SHROOM4: variants seen among roughly 807,000 people sequenced by gnomAD.
SHROOM4 encodes the protein protein Shroom4.
Under a neutral mutation model 80.3 loss-of-function variants are expected in SHROOM4, and 17 were observed. The observed-to-expected ratio is 0.21, with a 90% CI of 0.14 to 0.32. The LOEUF is 0.32. Among genes scored for constraint, SHROOM4 ranks in the 10% least tolerant of loss-of-function variants. The pLI is 1.00. For missense variants in SHROOM4, 993 were observed against 1,140.3 expected (o/e 0.87, Z 1.86); for synonymous variants, 400 against 437.5 (o/e 0.91, Z 1.07).
chrX:50,700,134 C>T (rs1395073782), intron 1 of SHROOM4, among the ~76,000 whole-genome samples: 1 of 109,107 alleles, frequency 9.2e-6, no homozygotes, highest in Non-Finnish European at 1.9e-5. Flanking sequence ...CCAGCCCATA[C>T]TGCTACCTCC....
At chrX:50,584,869 T>TA (rs1928730407), downstream of SHROOM4, among the ~76,000 whole-genome samples, 1 of 111,164 alleles carries the variant, frequency 9.0e-6, no homozygotes, top group African/African-American at 3.3e-5. Flanking sequence ...CAACCAGATA[T>TA]AAAGTTTTGG....
At chrX:50,812,655 T>C (rs1349477392) in intron 1 of SHROOM4, among the ~76,000 whole-genome samples, 5 of 111,405 alleles carry the variant, frequency 4.5e-5, no homozygotes, top group East Asian at 2.9e-4. Context: ...CAGGCTCCAA[T>C]GCAAGGCGAA....
chrX:50,813,963 G>T lies in SHROOM4; in HGVS notation c.56C>A (p.Ala19Glu). Residue 19 changes from alanine (A) to glutamate (E), a missense_variant, in exon 1 of 9, where the codon GCA (alanine) becomes GAA (glutamate). Ala to Glu is a moderately radical substitution (Grantham distance 107, BLOSUM62 -1). Coordinates refer to ENST00000376020, the MANE Select transcript of SHROOM4 (RefSeq NM_020717.5). ...QYVPVQLQGG[A>E]PWGFTLKGGL... The stretch of plus-strand genomic sequence containing the variant: ...CCCCTTAAGGGTGAAGCCCCAGGGT[G>T]CCCCCCCTTGCAGCTGCACAGGGAC... 8.3e-7 allele frequency: 1 copy of T among 1,208,044 alleles called. No homozygotes were observed. The highest frequency in any genetic ancestry group is 1.8e-5 in the South Asian group (1 of 56,343).
Position 50,596,609 on chromosome X carries a change from T to G in SHROOM4, c.*86A>C. On this transcript the variant is annotated 3_prime_UTR_variant, in exon 9 of 9. Coordinates refer to ENST00000376020, the MANE Select transcript of SHROOM4 (RefSeq NM_020717.5). ...CTGGAACAAACTGCTAATTGCTATC[T>G]ACTTGCTGAGAAACTGCTAACAAAG... The G allele has an allele frequency of 8.7e-7, 1 of 1,145,323 alleles. No individual in the cohort carries two copies. The highest frequency in any genetic ancestry group is 1.2e-6 in the Non-Finnish European group (1 of 846,808). The allele number at this position is 1,145,323 out of a possible 1,213,427, so 94.4% of individuals were successfully genotyped here.
intron 4 of SHROOM4, among the ~76,000 whole-genome samples, chrX:50,628,833 G>A (rs1369213221): frequency 8.9e-6 from 1 of 112,256 alleles, no homozygotes; most frequent in Non-Finnish European, 1.9e-5. Flanking sequence ...AGAGGCTCTG[G>A]ATGTTAGCAG....
the SHROOM4 span, among the ~76,000 whole-genome samples, chrX:50,578,184 G>T: frequency 3.6e-5 from 4 of 112,384 alleles, no homozygotes; most frequent in Admixed American, 2.8e-4. Flanking sequence ...GAATTAAATT[G>T]ACAACAGACT....
In SHROOM4 at chrX:50,705,989, T is replaced by TACACACACAC. The variant is rs56363612; in HGVS notation, c.118-10062_118-10053dup. 1.5e-3 allele frequency among the ~76,000 whole-genome samples: 113 copies of TACACACACAC among 74,383 alleles called. 1 individual carries two copies. Among genetic ancestry groups the TACACACACAC allele is most frequent in the African/African-American group, 4.9e-3 (104 of 21,060 alleles). 64.6% of individuals were successfully genotyped at this position (74,383 alleles called of 115,157 possible). ...TTATTTCCCACAACCTCTCATCCTC[T>TACACACACAC]ACACACACACACACACACACACACA... On this transcript the variant is annotated intron_variant, in intron 1 of 8. Transcript: ENST00000376020.
At chrX:50,713,289 A>G (rs1933863613) in intron 1 of SHROOM4, among the ~76,000 whole-genome samples, 1 of 111,303 alleles carries the variant, frequency 9.0e-6, no homozygotes, top group Admixed American at 9.6e-5. Context: ...ATGTCTACAC[A>G]AGAGAGTGAT....
At chrX:50,801,225 G>A (rs1557272545) in intron 1 of SHROOM4, among the ~76,000 whole-genome samples, 1 of 102,281 alleles carries the variant, frequency 9.8e-6, no homozygotes, top group Non-Finnish European at 2.0e-5. Context: ...GAAGGGGAGA[G>A]GGAGAAGGAG....
At chrX:50,678,114 T>C (rs1932877622) in intron 2 of SHROOM4, among the ~76,000 whole-genome samples, 1 of 111,784 alleles carries the variant, frequency 8.9e-6, no homozygotes, top group South Asian at 3.7e-4. Context: ...TTCAACAAAA[T>C]TGTCCTGTAT....
intron 6 of SHROOM4, among the ~76,000 whole-genome samples, chrX:50,603,975 A>T (rs1476388528): frequency 9.0e-6 from 1 of 111,684 alleles, no homozygotes; most frequent in Admixed American, 9.5e-5. Flanking sequence ...CCCTTCGCTA[A>T]CCTCTAGCTG....
intron 1 of SHROOM4, among the ~76,000 whole-genome samples, chrX:50,811,486 A>C (rs1389263145): frequency 1.8e-5 from 2 of 111,582 alleles, no homozygotes; most frequent in Non-Finnish European, 3.8e-5. Flanking sequence ...TTAATCTGCC[A>C]ACCCAATTAT....
At chrX:50,581,220 T>C in the SHROOM4 span, among the ~76,000 whole-genome samples, 78 of 112,478 alleles carry the variant, frequency 6.9e-4, no homozygotes, top group African/African-American at 2.2e-3. Flanking sequence ...TGTTCCCAGA[T>C]TGTAATAATA....
In SHROOM4 at chrX:50,633,656, G is replaced by A. The variant is rs1436240666; in HGVS notation, c.2417C>T (p.Pro806Leu). 8.3e-7 allele frequency: 1 copy of A among 1,210,293 alleles called. No individual in the cohort carries two copies. Among genetic ancestry groups the A allele is most frequent in the Non-Finnish European group, 1.1e-6 (1 of 895,315 alleles). ...SNKTFTQRPK[P>L]IDQNFQPMSS... ...CATTGGCTGGAAGTTTTGGTCTATA[G>A]GTTTTGGTCTCTGGGTAAAAGTCTT... Residue 806 changes from proline (P) to leucine (L), a missense_variant, in exon 4 of 9, where the codon CCT (proline) becomes CTT (leucine). Coordinates refer to ENST00000376020, the MANE Select transcript of SHROOM4 (RefSeq NM_020717.5).
chrX:50,595,377 G>A lies in SHROOM4; in HGVS notation c.*1318C>T, dbSNP rs1929060902. The A allele has an allele frequency of 8.5e-6, 1 of 117,522 alleles. No homozygotes were observed. Among genetic ancestry groups the A allele is most frequent in the Non-Finnish European group, 1.8e-5 (1 of 56,554 alleles). 9.7% of individuals were successfully genotyped at this position (117,522 alleles called of 1,213,427 possible). On this transcript the variant is annotated 3_prime_UTR_variant, in exon 9 of 9. Coordinates refer to ENST00000376020, the MANE Select transcript of SHROOM4 (RefSeq NM_020717.5). ...GAGCTCCCAGCTACCTTGAGTTTTG[G>A]TTCCCTTGAGCCAGGCCACAGGCTG...
chrX:50,626,392 T>C (rs1930803984), intron 5 of SHROOM4, among the ~76,000 whole-genome samples: 1 of 112,126 alleles, frequency 8.9e-6, no homozygotes, highest in South Asian at 3.8e-4. Flanking sequence ...TGTCAACTTG[T>C]GTGAGAAAGT....
Position 50,634,609 on chromosome X carries a change from T to A in SHROOM4, c.1464A>T (p.Gly488=). ...RQVDDRSLVL[G]HQSQSSPPHG... ...GTGGGGGACTGCTTTGGCTCTGGTGTCCCAAAACTAAAGACCTGTCATCCA... is the reference window on the plus strand; with the variant it reads ...GTGGGGGACTGCTTTGGCTCTGGTGACCCAAAACTAAAGACCTGTCATCCA... Residue 488 remains glycine (G), a synonymous_variant, in exon 4 of 9, where the codon GGA becomes GGT. Transcript: ENST00000376020. 8.3e-7 allele frequency: 1 copy of A among 1,211,781 alleles called. No homozygotes were observed. Among genetic ancestry groups the A allele is most frequent in the Non-Finnish European group, 1.1e-6 (1 of 895,538 alleles).
chrX:50,772,008 A>ATGTGTGTG (rs10581172), intron 1 of SHROOM4, among the ~76,000 whole-genome samples: 3 of 103,095 alleles, frequency 2.9e-5, no homozygotes, highest in Middle Eastern at 4.9e-3. Context: ...CTTGTTTTTT[A>ATGTGTGTG]TGTGTGTGTG....
chrX:50,801,261 G>GGAGGGAGAGAGAGAGAGAGA (rs1936112820), intron 1 of SHROOM4, among the ~76,000 whole-genome samples: 1 of 81,530 alleles, frequency 1.2e-5, no homozygotes, highest in Non-Finnish European at 2.3e-5. Context: ...GAGAGAAAGA[G>GGAGGGAGAGAGAGAGAGAGA]GAGAGAGAGA....
Sources: gnomAD v4.1 joint callset for allele counts (sites outside exome capture counted in the v4.1 genomes callset) on GRCh38, gnomAD v4.1.1 for gene constraint, MANE v1.5 for transcripts, NCBI Gene and HGNC (gene_info 2026-07-23, HGNC 2026-07-21) for gene names.